Variants in METTL14 observed in about 807,000 individuals in gnomAD.
METTL14 encodes the protein N(6)-adenosine-methyltransferase non-catalytic subunit METTL14.
METTL14 carries 32 observed loss-of-function variants against 62.4 expected under a neutral mutation model. The observed-to-expected ratio is 0.51, with a 90% CI of 0.39 to 0.69. METTL14 has a LOEUF of 0.69. Ranked by LOEUF, METTL14 falls within the 30% of genes least tolerant of loss-of-function variation. The probability of loss-of-function intolerance (pLI) is 0.00; values close to 1 mark genes in which losing one functional copy is unlikely to be tolerated. For missense variants in METTL14, 340 were observed against 551.9 expected (o/e 0.62, Z 3.85); for synonymous variants, 150 against 180.0 (o/e 0.83, Z 1.34).
In METTL14 at chr4:118,691,530, A is replaced by G; in HGVS notation, c.244-2A>G. 3 of 1,527,602 alleles carry G rather than the reference A, an allele frequency of 2.0e-6. No homozygotes were observed. The highest frequency in any genetic ancestry group is 2.7e-6 in the Non-Finnish European group (3 of 1,125,746). The allele number at this position is 1,527,602 out of a possible 1,614,324, so 94.6% of individuals were successfully genotyped here. On this transcript the variant is annotated splice_acceptor_variant, in intron 3 of 10. Transcript: ENST00000388822. LOFTEE classifies it high-confidence loss of function. ...TATTTACTTAATCTTATGTTTTTCAAGGATGAACTAGAAATGCAACAGGAT... is the reference window on the plus strand; with the variant it reads ...TATTTACTTAATCTTATGTTTTTCAGGGATGAACTAGAAATGCAACAGGAT...
chr4:118,685,944 C>T (rs1351754097), intron 1 of METTL14, among the ~76,000 whole-genome samples: 1 of 152,148 alleles, frequency 6.6e-6, no homozygotes, highest in Non-Finnish European at 1.5e-5. Context: ...TCATCTATTT[C>T]TTTCTTTTCT....
chr4:118,702,723 C>T (rs1008150741), intron 8 of METTL14, among the ~76,000 whole-genome samples: 3 of 151,408 alleles, frequency 2.0e-5, no homozygotes, highest in Admixed American at 6.6e-5. Flanking sequence ...TTGCAGTGAG[C>T]CAAGATTACC....
intron 7 of METTL14, among the ~76,000 whole-genome samples, chr4:118,699,250 T>C (rs1724516382): frequency 6.6e-6 from 1 of 152,240 alleles, no homozygotes; most frequent in South Asian, 2.1e-4. Context: ...TAATTCTTCC[T>C]CTTCCTTGAA....
At position 118,712,327 on chromosome 4, in the gene METTL14, T is replaced by C. The variant is rs1383805610; in HGVS notation, c.*2025T>C. The C allele has an allele frequency of 6.6e-6, 1 of 152,176 alleles. No individual in the cohort carries two copies. Among genetic ancestry groups the C allele is most frequent in the Non-Finnish European group, 1.5e-5 (1 of 68,030 alleles). The allele number at this position is 152,176 out of a possible 1,614,324, so 9.4% of individuals were successfully genotyped here. On this transcript the variant is annotated 3_prime_UTR_variant, in exon 11 of 11. Coordinates refer to ENST00000388822, the MANE Select transcript of METTL14 (RefSeq NM_020961.4). The stretch of plus-strand genomic sequence containing the variant: ...ACATGTCTTACATTCCACAAAATTA[T>C]TTAGAAATGCTGGGCATGGTGGCTC...
At chr4:118,705,918 T>G (rs1724742430) in intron 10 of METTL14, 97 bp downstream of exon 10, 2 of 957,772 alleles carry the variant, frequency 2.1e-6, no homozygotes, top group Non-Finnish European at 3.2e-6. Context: ...CTTATGCATT[T>G]GATTCCTTTT....
rs70941202 is a variant in METTL14 at position 118,698,452 on chromosome 4, C to CAA, written c.645+1153_645+1154dup. Among the ~76,000 whole-genome samples the CAA allele has an allele frequency of 8.0e-3, 609 of 76,236 alleles. 11 individuals are homozygous for CAA. Among genetic ancestry groups the CAA allele is most frequent in the African/African-American group, 0.029 (515 of 17,860 alleles). The allele number at this position is 76,236 out of a possible 152,430, so 50.0% of individuals were successfully genotyped here. ...TGGGCGACACAGCAAGACTCTGTCT[C>CAA]AAAAAAAAAAAAAAAAAAAAAAAAA... On this transcript the variant is annotated intron_variant, in intron 7 of 10. Coordinates refer to ENST00000388822, the MANE Select transcript of METTL14 (RefSeq NM_020961.4).
At chr4:118,709,764 C>T (rs1379866818) in intron 10 of METTL14, among the ~76,000 whole-genome samples, 1 of 151,936 alleles carries the variant, frequency 6.6e-6, no homozygotes, top group Non-Finnish European at 1.5e-5. Context: ...AAAGATAGTA[C>T]GTGGATGAGG....
chr4:118,700,771 G>GAA (rs953265800), intron 8 of METTL14, 129 bp downstream of exon 8: 8 of 540,210 alleles, frequency 1.5e-5, no homozygotes, highest in Admixed American at 3.7e-5. Flanking sequence ...AAAATAGTGA[G>GAA]AAAAAAAAAA....
chr4:118,702,004 A>G (rs1030956464), intron 8 of METTL14, among the ~76,000 whole-genome samples: 3 of 152,176 alleles, frequency 2.0e-5, no homozygotes, highest in African/African-American at 7.2e-5. Context: ...TAAGAGCGAA[A>G]CATACATGTT....
At chr4:118,689,874 GT>G (rs1724191386) in intron 3 of METTL14, among the ~76,000 whole-genome samples, 1 of 151,508 alleles carries the variant, frequency 6.6e-6, no homozygotes, top group East Asian at 1.9e-4. Context: ...TCTTTACCTG[GT>G]GATCCACCTG....
At chr4:118,706,399 T>C (rs781335333) in intron 10 of METTL14, among the ~76,000 whole-genome samples, 1 of 152,224 alleles carries the variant, frequency 6.6e-6, no homozygotes, top group South Asian at 2.1e-4. Context: ...ATTTAAGATT[T>C]CTCCATTCCT....
In METTL14 at chr4:118,710,074, T is replaced by G. The variant is rs1359488371; in HGVS notation, c.1143T>G (p.Pro381=). The G allele has an allele frequency of 3.7e-6, 6 of 1,614,252 alleles. No homozygotes were observed. The highest frequency in any genetic ancestry group is 8.5e-7 in the Non-Finnish European group (1 of 1,180,032). Residue 381 remains proline, a synonymous_variant, in exon 11 of 11, where the codon CCT becomes CCG. Transcript: ENST00000388822. ...AETYASYFSA[P]NSYLTGCTEE... ...CATATGCATCCTATTTCAGTGCTCC[T>G]AATTCCTACTTGACTGGTTGTACAG...
At chr4:118,688,719 G>A (rs993463479) in intron 2 of METTL14, among the ~76,000 whole-genome samples, 1 of 152,114 alleles carries the variant, frequency 6.6e-6, no homozygotes, top group Non-Finnish European at 1.5e-5. Flanking sequence ...CTGTCACCAG[G>A]CTTGAGTGCA....
intron 10 of METTL14, 76 bp downstream of exon 10, chr4:118,705,897 A>G (rs1187924806): frequency 8.7e-7 from 1 of 1,150,308 alleles, no homozygotes; most frequent in Admixed American, 2.0e-5. Context: ...GGTGCTGTGT[A>G]AAATAAAGTT....
chr4:118,694,786 A>G (rs577705435), intron 6 of METTL14, among the ~76,000 whole-genome samples: 10 of 151,622 alleles, frequency 6.6e-5, no homozygotes, highest in Middle Eastern at 6.8e-3. Flanking sequence ...TCCTGGCTCT[A>G]TTTTTCTTTC....
chr4:118,699,720 A>C (rs1724530166), intron 7 of METTL14, among the ~76,000 whole-genome samples: 1 of 152,174 alleles, frequency 6.6e-6, no homozygotes, highest in Non-Finnish European at 1.5e-5. Context: ...CAGTTTTTAA[A>C]ATAAAGAAAT....
At chr4:118,697,587 C>T (rs1724451320) in intron 7 of METTL14, among the ~76,000 whole-genome samples, 1 of 151,944 alleles carries the variant, frequency 6.6e-6, no homozygotes, top group South Asian at 2.1e-4. Context: ...TCTTAGAGTC[C>T]TTGGCTATAT....
chr4:118,685,673 C>G, intron 1 of METTL14, 73 bp downstream of exon 1: 1 of 1,318,776 alleles, frequency 7.6e-7, no homozygotes. Context: ...CCTCCACACC[C>G]CGCCTTTTTC....
At position 118,689,478 on chromosome 4, in the gene METTL14, G is replaced by A. The variant is rs541140560; in HGVS notation, c.243+21G>A. On this transcript the variant is annotated intron_variant, in intron 3 of 10. Coordinates refer to ENST00000388822, the MANE Select transcript of METTL14 (RefSeq NM_020961.4). ...ATAAGGCAAGTAGAGAGTGAAATAAGTTTATGGTCAAAGAAAACATAAATC... is the reference window on the plus strand; with the variant it reads ...ATAAGGCAAGTAGAGAGTGAAATAAATTTATGGTCAAAGAAAACATAAATC... 3.0e-6 allele frequency: 4 copies of A among 1,342,980 alleles called. No individual in the cohort carries two copies. In the African/African-American group the frequency reaches 4.4e-5, roughly 15 times the overall value. The allele number at this position is 1,342,980 out of a possible 1,614,324, so 83.2% of individuals were successfully genotyped here. A position where few individuals can be genotyped will look rare whatever the true frequency, so the allele number is the denominator to read the frequency against.
Sources: gnomAD v4.1 joint callset for allele counts (sites outside exome capture counted in the v4.1 genomes callset) on GRCh38, gnomAD v4.1.1 for gene constraint, MANE v1.5 for transcripts, NCBI Gene and HGNC (gene_info 2026-07-23, HGNC 2026-07-21) for gene names.